The following SORT1 variants were observed in gnomAD, a reference collection of about 807,000 sequenced individuals.
The protein encoded by SORT1 is sortilin 1, also known as sortilin.
In SORT1, 39 loss-of-function variants were observed where a neutral mutation model predicts 101.7. The observed-to-expected ratio is 0.38, with a 90% CI of 0.30 to 0.50. The LOEUF (loss-of-function observed/expected upper bound fraction) is 0.50, where lower values mean the gene tolerates loss of function less well. SORT1 is among the 20% of genes least tolerant of loss of function. The pLI is 0.90. For missense variants in SORT1, 878 were observed against 1,040.4 expected (o/e 0.84, Z 2.15); for synonymous variants, 396 against 393.7 (o/e 1.01, Z -0.07).
In SORT1 at chr1:109,313,847, T is replaced by G; in HGVS notation, c.*196A>C. The G allele has an allele frequency of 1.8e-6, 1 of 558,264 alleles. No individual in the cohort carries two copies. The highest frequency in any genetic ancestry group is 3.2e-6 in the Non-Finnish European group (1 of 315,030). The allele number at this position is 558,264 out of a possible 1,614,324, so 34.6% of individuals were successfully genotyped here. ...ATGTCTCCCTTTTTCTCAGAGCCAA[T>G]TGTAAAAAAGTGCTCAGGGTTCCCC... On this transcript the variant is annotated 3_prime_UTR_variant, in exon 20 of 20. Transcript: ENST00000256637.
intron 1 of SORT1, among the ~76,000 whole-genome samples, chr1:109,384,584 C>G (rs112010687): frequency 4.3e-4 from 65 of 152,270 alleles, no homozygotes; most frequent in African/African-American, 1.4e-3. Context: ...AATGTCATAC[C>G]ACATTAAAAT....
intron 15 of SORT1, 115 bp from the exon 16 acceptor site, chr1:109,318,084 A>G: frequency 1.6e-6 from 1 of 644,502 alleles, no homozygotes; most frequent in Non-Finnish European, 2.8e-6. Flanking sequence ...TTGGGTTGTT[A>G]GAAAGTAGCT....
intron 1 of SORT1, among the ~76,000 whole-genome samples, chr1:109,373,194 T>C (rs140272987): frequency 2.0e-5 from 3 of 152,290 alleles, no homozygotes; most frequent in Non-Finnish European, 2.9e-5. Context: ...TACAGCTAAC[T>C]GGCTTACTGC....
At chr1:109,334,090 G>A (rs1029138239) in intron 11 of SORT1, among the ~76,000 whole-genome samples, 1 of 152,116 alleles carries the variant, frequency 6.6e-6, no homozygotes, top group Non-Finnish European at 1.5e-5. Flanking sequence ...AGGTTGAAGT[G>A]AGCCAAGATC....
chr1:109,377,448 G>A (rs896864862), intron 1 of SORT1, among the ~76,000 whole-genome samples: 10 of 152,076 alleles, frequency 6.6e-5, no homozygotes, highest in Admixed American at 2.6e-4. Context: ...CTTCTAACAC[G>A]GTTACTGCTG....
chr1:109,394,138 T>C (rs905827200), intron 1 of SORT1, among the ~76,000 whole-genome samples: 15 of 152,290 alleles, frequency 9.8e-5, no homozygotes, highest in African/African-American at 2.9e-4. Context: ...AGCATAATTT[T>C]TGGAAAGTTA....
chr1:109,330,319 T>C (rs567543089), intron 11 of SORT1, among the ~76,000 whole-genome samples: 1 of 152,118 alleles, frequency 6.6e-6, no homozygotes, highest in East Asian at 1.9e-4. Context: ...TACAACATTA[T>C]GAAACTAGAA....
chr1:109,352,917 C>T (rs1650057069), intron 5 of SORT1, among the ~76,000 whole-genome samples: 1 of 152,284 alleles, frequency 6.6e-6, no homozygotes, highest in South Asian at 2.1e-4. Context: ...ACTCCTTGCT[C>T]CCTTATAGTG....
At chr1:109,390,798 T>TGTGTGTGTGTGC (rs749556914) in intron 1 of SORT1, among the ~76,000 whole-genome samples, 22 of 144,958 alleles carry the variant, frequency 1.5e-4, no homozygotes, top group African/African-American at 5.2e-4. Context: ...TGTGTGTGTG[T>TGTGTGTGTGTGC]GCGCGCGCGC....
intron 17 of SORT1, among the ~76,000 whole-genome samples, chr1:109,315,612 T>C (rs144324220): frequency 2.0e-3 from 302 of 152,252 alleles, no homozygotes; most frequent in Admixed American, 3.7e-3. Context: ...CTATTACGAA[T>C]TGGGAAACGG....
chr1:109,327,926 G>A (rs1159453624), intron 11 of SORT1, among the ~76,000 whole-genome samples: 2 of 152,120 alleles, frequency 1.3e-5, no homozygotes, highest in South Asian at 2.1e-4. Flanking sequence ...ATTACTTTGT[G>A]TTGGCTACTC....
Position 109,344,361 on chromosome 1 carries a change from C to T in SORT1, c.963+1390G>A, listed in dbSNP as rs531069541. 5.8e-4 allele frequency among the ~76,000 whole-genome samples: 89 copies of T among 152,320 alleles called. 1 individual carries two copies. Among genetic ancestry groups the T allele is most frequent in the Middle Eastern group, 6.8e-3 (2 of 294 alleles). On this transcript the variant is annotated intron_variant, in intron 8 of 19. Transcript: ENST00000256637. ...CTCCCAACACAAGAAGAGTAAGGCC[C>T]ACATCCTAATTGTGATCTACAAAGG...
At chr1:109,385,029 G>A (rs1652486900) in intron 1 of SORT1, among the ~76,000 whole-genome samples, 1 of 152,094 alleles carries the variant, frequency 6.6e-6, no homozygotes, top group Non-Finnish European at 1.5e-5. Context: ...AGTGAGCTGA[G>A]ATCACAACAC....
chr1:109,365,687 A>C (rs116391597), intron 3 of SORT1, among the ~76,000 whole-genome samples: 3,367 of 152,326 alleles, frequency 0.022, 54 homozygotes, highest in Middle Eastern at 0.061. Flanking sequence ...CTGCCTGCCT[A>C]CTATATGTTA....
At position 109,351,886 on chromosome 1, in the gene SORT1, G is replaced by A. The variant is rs573307411; in HGVS notation, c.709-884C>T. Among the ~76,000 whole-genome samples the A allele has an allele frequency of 3.3e-5, 5 of 152,252 alleles. No individual in the cohort carries two copies. The South Asian group carries it at 1.0e-3, about 32-fold the overall frequency. ...ATGAGGTCTTGAACACTGGCCATGA[G>A]GAACAGGCTCTGCAAGAATTTAGAA... is the stretch of plus-strand genomic sequence containing the variant. On this transcript the variant is annotated intron_variant, in intron 5 of 19. Coordinates refer to ENST00000256637, the MANE Select transcript of SORT1 (RefSeq NM_002959.7).
At chr1:109,397,324 T>A (rs1191501340) in intron 1 of SORT1, 3 of 155,376 alleles carry the variant, frequency 1.9e-5, no homozygotes, top group African/African-American at 7.3e-5. Context: ...AAAACGATGT[T>A]CAAGAGATTT....
chr1:109,327,448 G>T, intron 12 of SORT1, 51 bp downstream of exon 12: 1 of 1,139,952 alleles, frequency 8.8e-7, no homozygotes, highest in Non-Finnish European at 1.3e-6. Context: ...CTGAGTTTCA[G>T]TGTGCTCAGC....
In SORT1 at chr1:109,380,813, CAAAAAAAAAA is replaced by C. The variant is rs60568166; in HGVS notation, c.307-11234_307-11225del. ...GCAACATGGCAAAACCCTGTCGCCACAAAAAAAAAAAAAAAAAAAAAAAAAAAAATTAGCC... is the reference window on the plus strand; with the variant it reads ...GCAACATGGCAAAACCCTGTCGCCACAAAAAAAAAAAAAAAAAAATTAGCC... On this transcript the variant is annotated intron_variant, in intron 1 of 19. Coordinates refer to ENST00000256637, the MANE Select transcript of SORT1 (RefSeq NM_002959.7). 3.2e-3 allele frequency among the ~76,000 whole-genome samples: 158 copies of C among 49,222 alleles called. 1 individual carries two copies. Among genetic ancestry groups the C allele is most frequent in the African/African-American group, 0.015 (153 of 10,468 alleles). 32.3% of individuals were successfully genotyped at this position (49,222 alleles called of 152,430 possible).
At chr1:109,363,753 C>A (rs920617570) in intron 3 of SORT1, among the ~76,000 whole-genome samples, 1 of 152,162 alleles carries the variant, frequency 6.6e-6, no homozygotes, top group Non-Finnish European at 1.5e-5. Flanking sequence ...AATATAATCA[C>A]CAATGCTGTG....
Sources: gnomAD v4.1 joint callset for allele counts (sites outside exome capture counted in the v4.1 genomes callset) on GRCh38, gnomAD v4.1.1 for gene constraint, MANE v1.5 for transcripts, NCBI Gene and HGNC (gene_info 2026-07-23, HGNC 2026-07-21) for gene names.